The following GRSF1 variants were observed in gnomAD, a reference collection of about 807,000 sequenced individuals.
GRSF1 encodes the protein G-rich sequence factor 1.
A neutral mutation model predicts 51.1 loss-of-function variants in GRSF1; 50 were observed. The ratio of observed to expected loss-of-function variants is 0.98; its 90% CI spans 0.78 to 1.24. The LOEUF (loss-of-function observed/expected upper bound fraction) is 1.24. Ranked by LOEUF, GRSF1 falls within the 50% of genes most tolerant of loss-of-function variation. The pLI is 0.00. For synonymous variants in GRSF1, 293 were observed against 253.3 expected (o/e 1.16, Z -1.49); for missense variants, 700 against 639.7 (o/e 1.09, Z -1.02).
intron 5 of GRSF1, among the ~76,000 whole-genome samples, chr4:70,829,127 G>C (rs899443168): frequency 2.0e-5 from 3 of 152,158 alleles, no homozygotes; most frequent in African/African-American, 4.8e-5. Flanking sequence ...CTGGGCTCAA[G>C]TGATCCTCCC....
intron 8 of GRSF1, among the ~76,000 whole-genome samples, 182 bp from the exon 9 acceptor site, chr4:70,824,550 C>T (rs951019631): frequency 1.3e-5 from 2 of 151,808 alleles, no homozygotes; most frequent in Admixed American, 6.6e-5. Flanking sequence ...TTTGGGAAGC[C>T]GAAGTGGGAG....
intron 5 of GRSF1, among the ~76,000 whole-genome samples, chr4:70,828,487 A>G (rs1251993124): frequency 6.6e-6 from 1 of 152,204 alleles, no homozygotes; most frequent in Non-Finnish European, 1.5e-5. Flanking sequence ...GAACTTCACT[A>G]AAAGGCTGAG....
rs1734205667 is a variant in GRSF1 at position 70,836,273 on chromosome 4, A to AG, written c.398dup (p.Glu134Ter). 1 of 1,601,420 alleles carries AG rather than the reference A, an allele frequency of 6.2e-7. No homozygotes were observed. Among genetic ancestry groups the AG allele is most frequent in the Non-Finnish European group, 8.5e-7 (1 of 1,176,474 alleles). Reference sequence around the variant, plus strand: ...ACTTGGACGGGGCCAATTCATACTCAGGGGGTGGTGGAAGGTCTTCCAGGT... The same window carrying AG: ...ACTTGGACGGGGCCAATTCATACTCAGGGGGGTGGTGGAAGGTCTTCCAGGT... On this transcript the variant is annotated frameshift_variant, in exon 2 of 10. Transcript: ENST00000254799. LOFTEE classifies it high-confidence loss of function.
At chr4:70,840,006 T>C (rs1171097943), upstream of GRSF1, 1 of 547,738 alleles carries the variant, frequency 1.8e-6, no homozygotes, top group East Asian at 3.5e-5. Flanking sequence ...CCGCCCAGTC[T>C]CCGCCCTTGG....
In GRSF1 at chr4:70,839,850, C is replaced by G. The variant is rs555282573; in HGVS notation, c.-23G>C. The G allele has an allele frequency of 3.7e-4, 545 of 1,469,122 alleles. 1 individual carries two copies. The African/African-American group carries it at 6.9e-3, about 19-fold the overall frequency. 91.0% of individuals were successfully genotyped at this position (1,469,122 alleles called of 1,614,324 possible). Reference sequence around the variant, plus strand: ...CATGGACTCCGGAGGCGGCGCAGGGCCTGAAGGCAGCTGCTCCAGCAGCGA... The same window carrying G: ...CATGGACTCCGGAGGCGGCGCAGGGGCTGAAGGCAGCTGCTCCAGCAGCGA... On this transcript the variant is annotated 5_prime_UTR_variant, in exon 1 of 10. Coordinates refer to ENST00000254799, the MANE Select transcript of GRSF1 (RefSeq NM_002092.4).
intron 9 of GRSF1, among the ~76,000 whole-genome samples, 166 bp downstream of exon 9, chr4:70,824,128 G>A (rs1733639228): frequency 6.6e-6 from 1 of 151,858 alleles, no homozygotes; most frequent in African/African-American, 2.4e-5. Flanking sequence ...CCACCATCAT[G>A]CTCGGTTAAT....
At chr4:70,840,550 G>C (rs190544993), upstream of GRSF1, among the ~76,000 whole-genome samples, 213 of 152,258 alleles carry the variant, frequency 1.4e-3, no homozygotes, top group Admixed American at 3.1e-3. Flanking sequence ...ATCACCTGAG[G>C]TCAGCAGTTC....
At chr4:70,830,100 G>A (rs960892527) in intron 5 of GRSF1, among the ~76,000 whole-genome samples, 6 of 152,056 alleles carry the variant, frequency 3.9e-5, no homozygotes, top group Non-Finnish European at 8.8e-5. Flanking sequence ...TTAAAAAGGG[G>A]GGAAGAATAA....
At chr4:70,830,557 A>G (rs1157800546) in intron 5 of GRSF1, among the ~76,000 whole-genome samples, 11 of 151,988 alleles carry the variant, frequency 7.2e-5, no homozygotes, top group African/African-American at 2.4e-4. Flanking sequence ...GCTGGCTCAC[A>G]CCTGTAATCC....
At position 70,821,873 on chromosome 4, in the gene GRSF1, G is replaced by A. The variant is rs972158567; in HGVS notation, c.*26-1012C>T. Among the ~76,000 whole-genome samples the A allele has an allele frequency of 1.4e-4, 22 of 151,736 alleles. 1 individual carries two copies. The highest frequency in any genetic ancestry group is 1.1e-3 in the Admixed American group (17 of 15,226). On this transcript the variant is annotated intron_variant, in intron 9 of 9. Transcript: ENST00000254799. ...GTATTTTTAGGAGAGACAGGGTTTCGCCATTTTGGCCAGGCTGGTCTCAAA... is the reference window on the plus strand; with the variant it reads ...GTATTTTTAGGAGAGACAGGGTTTCACCATTTTGGCCAGGCTGGTCTCAAA...
intron 1 of GRSF1, among the ~76,000 whole-genome samples, chr4:70,837,188 C>T (rs918722739): frequency 1.8e-4 from 27 of 152,152 alleles, no homozygotes; most frequent in African/African-American, 3.9e-4. Context: ...TCTCTTTTAT[C>T]GGATTAAGTA....
intron 2 of GRSF1, 21 bp from the exon 3 acceptor site, chr4:70,833,294 T>G: frequency 6.2e-7 from 1 of 1,606,008 alleles, no homozygotes; most frequent in Non-Finnish European, 8.5e-7. Context: ...ATGAGCAAAA[T>G]CAATTGAAAA....
At chr4:70,821,037 G>A (rs1733474771) in intron 9 of GRSF1, among the ~76,000 whole-genome samples, 176 bp from the exon 10 acceptor site, 1 of 152,036 alleles carries the variant, frequency 6.6e-6, no homozygotes, top group African/African-American at 2.4e-5. Flanking sequence ...TTTACAGGCT[G>A]GTACAAAAAA....
At chr4:70,825,556 T>C in intron 7 of GRSF1, 125 bp from the exon 8 acceptor site, 1 of 644,292 alleles carries the variant, frequency 1.6e-6, no homozygotes, top group South Asian at 3.7e-5. Context: ...TTTTAGGAAA[T>C]CTTTTTAAGC....
upstream of GRSF1, among the ~76,000 whole-genome samples, chr4:70,840,374 C>G (rs1734422354): frequency 6.6e-6 from 1 of 152,210 alleles, no homozygotes; most frequent in Non-Finnish European, 1.5e-5. Context: ...TCTTGTAATC[C>G]TAGCACTTTG....
In GRSF1 at chr4:70,836,231, A is replaced by C. The variant is rs1300426414; in HGVS notation, c.441T>G (p.Asp147Glu). The change falls in exon 2 of 10, where the codon GAT becomes GAG. Residue 147 changes from aspartate to glutamate, a missense_variant. Coordinates refer to ENST00000254799, the MANE Select transcript of GRSF1 (RefSeq NM_002092.4). ...CTTGAGCTCGAATGAGAAAGACATC[A>C]TCCACTTCCTCTTCTAACTTGGACG... Reference protein sequence around the residue: ...LAPSKLEEEVDDVFLIRAQGL... With the variant: ...LAPSKLEEEVEDVFLIRAQGL... The C allele has an allele frequency of 6.2e-7, 1 of 1,610,108 alleles. No individual in the cohort carries two copies. Among genetic ancestry groups the C allele is most frequent in the Non-Finnish European group, 8.5e-7 (1 of 1,178,062 alleles).
At position 70,831,522 on chromosome 4, in the gene GRSF1, G is replaced by GTATC. The variant is rs752451479; in HGVS notation, c.950+13_950+16dup. The GTATC allele has an allele frequency of 3.1e-6, 5 of 1,608,306 alleles. No homozygotes were observed. The highest frequency in any genetic ancestry group is 3.4e-6 in the Non-Finnish European group (4 of 1,176,294). Reference sequence around the variant, plus strand: ...AATGTGTAACACTTCTGCATCATTAGTATCTGCTTTACTCACCGATTACCA... The same window carrying GTATC: ...AATGTGTAACACTTCTGCATCATTAGTATCTATCTGCTTTACTCACCGATTACCA... On this transcript the variant is annotated intron_variant, in intron 5 of 9. Coordinates refer to ENST00000254799, the MANE Select transcript of GRSF1 (RefSeq NM_002092.4).
intron 1 of GRSF1, among the ~76,000 whole-genome samples, chr4:70,838,106 C>G (rs1442129993): frequency 6.7e-6 from 1 of 150,292 alleles, no homozygotes; most frequent in African/African-American, 2.4e-5. Flanking sequence ...GTAGTCCCAG[C>G]TACTCGGGAG....
Position 70,827,606 on chromosome 4 carries a change from T to C in GRSF1, c.1135+246A>G, listed in dbSNP as rs554493915. Among the ~76,000 whole-genome samples, 3 of 151,902 alleles carry C rather than the reference T, an allele frequency of 2.0e-5. No homozygotes were observed. In the South Asian group the frequency reaches 6.3e-4, roughly 32 times the overall value. On this transcript the variant is annotated intron_variant, in intron 6 of 9. Transcript: ENST00000254799. ...CAGCCTGGCCAACGTGGCGAAACCC[T>C]ATCTCTACTAAAAATATAAAAATTG...
Sources: gnomAD v4.1 joint callset for allele counts (sites outside exome capture counted in the v4.1 genomes callset) on GRCh38, gnomAD v4.1.1 for gene constraint, MANE v1.5 for transcripts, NCBI Gene and HGNC (gene_info 2026-07-23, HGNC 2026-07-21) for gene names.